Variants in GTF2H3 observed in about 807,000 individuals in gnomAD.
GTF2H3 encodes the protein general transcription factor IIH subunit 3.
GTF2H3 carries 42 observed loss-of-function variants against 51.1 expected under a neutral mutation model. The observed-to-expected ratio is 0.82, with a 90% confidence interval of 0.64 to 1.06. The LOEUF (loss-of-function observed/expected upper bound fraction) is 1.06, where lower values mean the gene tolerates loss of function less well. Among genes scored for constraint, GTF2H3 ranks in the 50% least tolerant of loss-of-function variants. The pLI is 0.00. For synonymous variants in GTF2H3, 123 were observed against 123.8 expected, an observed-to-expected ratio of 0.99 and a Z score of 0.04; for missense variants, 326 against 366.1, an observed-to-expected ratio of 0.89 and a Z score of 0.89.
At position 123,634,098 on chromosome 12, in the gene GTF2H3, A is replaced by G. The variant is rs188294725; in HGVS notation, c.13+226A>G. ...AGAGATCGTGACAGACAGGGGCCTT[A>G]GTGGAGGTTACAGTCTACTGGGTGA... On this transcript the variant is annotated intron_variant, in intron 1 of 12. Coordinates refer to ENST00000543341, the MANE Select transcript of GTF2H3 (RefSeq NM_001516.5). Among the ~76,000 whole-genome samples, 119 of 152,322 alleles carry G rather than the reference A, an allele frequency of 7.8e-4. 1 individual carries two copies. The highest frequency in any genetic ancestry group is 2.8e-3 in the African/African-American group (117 of 41,578).
intron 7 of GTF2H3, among the ~76,000 whole-genome samples, chr12:123,654,670 G>A (rs564264670): frequency 6.6e-6 from 1 of 152,084 alleles, no homozygotes; most frequent in African/African-American, 2.4e-5. Flanking sequence ...GTATGTGTGT[G>A]TTTGTGTTTT....
chr12:123,638,503 T>C (rs1056240545), intron 1 of GTF2H3, among the ~76,000 whole-genome samples: 1 of 151,940 alleles, frequency 6.6e-6, no homozygotes, highest in East Asian at 1.9e-4. Context: ...AGAAAAGGTT[T>C]TGCGATATTG....
chr12:123,655,595 C>T (rs1390444151), intron 8 of GTF2H3, 176 bp from the exon 9 acceptor site: 3 of 515,322 alleles, frequency 5.8e-6, no homozygotes. Context: ...TCTGTGACCA[C>T]AGCCCAGCCA....
chr12:123,643,893 C>T (rs1177528288), intron 2 of GTF2H3, among the ~76,000 whole-genome samples: 8 of 152,252 alleles, frequency 5.3e-5, no homozygotes, highest in African/African-American at 1.2e-4. Context: ...TGCAGTGGCA[C>T]GATCTCAGCT....
chr12:123,647,786 C>T (rs561862982), intron 3 of GTF2H3, among the ~76,000 whole-genome samples, 177 bp from the exon 4 acceptor site: 5 of 152,176 alleles, frequency 3.3e-5, no homozygotes, highest in African/African-American at 7.2e-5. Context: ...TGTTTTTATA[C>T]GCTTTTTCTA....
chr12:123,661,046 C>T lies in GTF2H3; in HGVS notation c.*811C>T, dbSNP rs1243761318. 1 of 152,078 alleles carries T rather than the reference C, an allele frequency of 6.6e-6. No individual in the cohort carries two copies. Among genetic ancestry groups the T allele is most frequent in the East Asian group, 1.9e-4 (1 of 5,190 alleles). 9.4% of individuals were successfully genotyped at this position (152,078 alleles called of 1,614,324 possible). On this transcript the variant is annotated 3_prime_UTR_variant, in exon 13 of 13. Transcript: ENST00000543341. ...TGAAACTGCACCTGTAATCCCAGCA[C>T]TTTGGGAGGCTGAGGACAGAGGATT... is the stretch of plus-strand genomic sequence containing the variant.
rs888459545 is a variant in GTF2H3 at position 123,662,399 on chromosome 12, A to G, written c.*2164A>G. The G allele has an allele frequency of 7.2e-5, 11 of 152,134 alleles. No homozygotes were observed. The highest frequency in any genetic ancestry group is 1.2e-4 in the Non-Finnish European group (8 of 68,038). 9.4% of individuals were successfully genotyped at this position (152,134 alleles called of 1,614,324 possible). A position where few individuals can be genotyped will look rare whatever the true frequency, so the allele number is the denominator to read the frequency against. The stretch of plus-strand genomic sequence containing the variant: ...GTCTTTTAAAAATAATATTTTGTAT[A>G]CTAATTAAGTGTAATGGAAATCACA... On this transcript the variant is annotated 3_prime_UTR_variant, in exon 13 of 13. Coordinates refer to ENST00000543341, the MANE Select transcript of GTF2H3 (RefSeq NM_001516.5).
chr12:123,643,086 C>T (rs1048122193), intron 2 of GTF2H3, among the ~76,000 whole-genome samples: 1 of 152,162 alleles, frequency 6.6e-6, no homozygotes, highest in Admixed American at 6.5e-5. Context: ...CCATGTTGCC[C>T]AGGCTGGTTG....
At chr12:123,659,715 C>T in intron 10 of GTF2H3, 80 bp from the exon 11 acceptor site, 1 of 1,507,664 alleles carries the variant, frequency 6.6e-7, no homozygotes, top group South Asian at 1.2e-5. Flanking sequence ...CTTGGAGTTC[C>T]AAGGCCTAGA....
chr12:123,638,163 A>G (rs1256990435), intron 1 of GTF2H3, among the ~76,000 whole-genome samples: 21 of 143,054 alleles, frequency 1.5e-4, no homozygotes, highest in Admixed American at 1.4e-3. Context: ...ATGCCCGGCT[A>G]TTTTTTTTTC....
chr12:123,657,881 G>A (rs945032324), intron 9 of GTF2H3, among the ~76,000 whole-genome samples: 1 of 152,172 alleles, frequency 6.6e-6, no homozygotes, highest in Non-Finnish European at 1.5e-5. Flanking sequence ...GTGTTAAAGC[G>A]AGAAAGCTGT....
chr12:123,654,659 T>A (rs1232170947), intron 7 of GTF2H3, among the ~76,000 whole-genome samples: 1 of 151,934 alleles, frequency 6.6e-6, no homozygotes, highest in Non-Finnish European at 1.5e-5. Context: ...GTTTATTTTG[T>A]GTATGTGTGT....
intron 9 of GTF2H3, among the ~76,000 whole-genome samples, chr12:123,656,520 T>A (rs1955589315): frequency 1.3e-5 from 2 of 152,132 alleles, no homozygotes; most frequent in Admixed American, 1.3e-4. Context: ...ATTTTTCTAG[T>A]CCAGTCCCAG....
chr12:123,633,855 C>G lies in GTF2H3; in HGVS notation c.-5C>G. On this transcript the variant is annotated 5_prime_UTR_variant, in exon 1 of 13. Coordinates refer to ENST00000543341, the MANE Select transcript of GTF2H3 (RefSeq NM_001516.5). ...CTTGCTCTGCGCTGAGGTGCTGGGA[C>G]AGCCATGGTTTCAGACGGTGAGGAC... 6.2e-7 allele frequency: 1 copy of G among 1,613,314 alleles called. No individual in the cohort carries two copies. Among genetic ancestry groups the G allele is most frequent in the South Asian group, 1.1e-5 (1 of 91,084 alleles).
intron 1 of GTF2H3, among the ~76,000 whole-genome samples, chr12:123,636,186 T>C (rs1355771001): frequency 1.3e-5 from 2 of 152,178 alleles, no homozygotes; most frequent in African/African-American, 2.4e-5. Context: ...GGTCATCTTA[T>C]AATTGATGAA....
chr12:123,655,720 G>T, intron 8 of GTF2H3, 51 bp from the exon 9 acceptor site: 1 of 1,058,200 alleles, frequency 9.5e-7, no homozygotes, highest in South Asian at 1.3e-5. Context: ...TCAGTATAGG[G>T]TAATCATTAT....
chr12:123,659,679 C>T, intron 10 of GTF2H3, 95 bp downstream of exon 10: 1 of 1,468,592 alleles, frequency 6.8e-7, no homozygotes, highest in Non-Finnish European at 9.5e-7. Flanking sequence ...GGTGCTAGTA[C>T]TCAGGAGAAG....
chr12:123,659,686 G>A (rs527701892), intron 10 of GTF2H3, 102 bp downstream of exon 10: 1 of 1,461,980 alleles, frequency 6.8e-7, no homozygotes, highest in East Asian at 2.3e-5. Flanking sequence ...GTACTCAGGA[G>A]AAGGGAATAA....
At chr12:123,656,087 AAAGT>A in intron 9 of GTF2H3, 1 of 335,518 alleles carries the variant, frequency 3.0e-6, no homozygotes. Context: ...ACAAAACCCT[AAAGT>A]AAGTCTGAAG....
Sources: gnomAD v4.1 joint callset for allele counts (sites outside exome capture counted in the v4.1 genomes callset) on GRCh38, gnomAD v4.1.1 for gene constraint, MANE v1.5 for transcripts, NCBI Gene and HGNC (gene_info 2026-07-23, HGNC 2026-07-21) for gene names.